The following SAMD4A variants were observed in gnomAD, a reference collection of about 807,000 sequenced individuals.
SAMD4A encodes the protein protein Smaug homolog 1.
Under a neutral mutation model 81.3 loss-of-function variants are expected in SAMD4A, and 33 were observed. That is an observed-to-expected ratio of 0.41 (90% CI 0.31 to 0.54). The LOEUF is 0.54. Ranked by LOEUF, SAMD4A falls within the 20% of genes least tolerant of loss-of-function variation. The pLI, the probability that SAMD4A is intolerant of heterozygous loss-of-function variation, is 0.37. For missense variants in SAMD4A, 854 were observed against 951.1 expected, an observed-to-expected ratio of 0.90 and a Z score of 1.34; for synonymous variants, 389 against 382.1, an observed-to-expected ratio of 1.02 and a Z score of -0.21.
intron 2 of SAMD4A, among the ~76,000 whole-genome samples, chr14:54,639,405 T>C (rs1424882914): frequency 6.6e-6 from 1 of 152,188 alleles, no homozygotes; most frequent in Non-Finnish European, 1.5e-5. Context: ...TTGTCTAAAA[T>C]GCCTTGCTCT....
intron 3 of SAMD4A, among the ~76,000 whole-genome samples, chr14:54,714,296 A>G (rs2037065140): frequency 6.6e-6 from 1 of 152,178 alleles, no homozygotes; most frequent in African/African-American, 2.4e-5. Flanking sequence ...TTTTCTTTTT[A>G]CAATTTAGCT....
intron 2 of SAMD4A, among the ~76,000 whole-genome samples, chr14:54,654,466 C>T (rs1002641639): frequency 6.6e-6 from 1 of 152,118 alleles, no homozygotes; most frequent in Admixed American, 6.5e-5. Context: ...GGGCCGGTGA[C>T]CCCACACTAG....
chr14:54,783,612 G>A (rs1216752162), intron 11 of SAMD4A, among the ~76,000 whole-genome samples: 3 of 152,262 alleles, frequency 2.0e-5, no homozygotes, highest in Non-Finnish European at 4.4e-5. Context: ...GAGGCTGAGT[G>A]TGTTGACAGT....
At chr14:54,747,917 G>C (rs1298169969) in intron 4 of SAMD4A, among the ~76,000 whole-genome samples, 1 of 152,180 alleles carries the variant, frequency 6.6e-6, no homozygotes, top group East Asian at 1.9e-4. Context: ...CAAATACTTT[G>C]TTTTGGTTTT....
At chr14:54,765,218 A>C (rs1566627559) in intron 8 of SAMD4A, among the ~76,000 whole-genome samples, 1 of 152,014 alleles carries the variant, frequency 6.6e-6, no homozygotes, top group Non-Finnish European at 1.5e-5. Context: ...CTCCTTGGGC[A>C]CCCCTCCCTC....
At chr14:54,714,067 A>G (rs992185924) in intron 3 of SAMD4A, among the ~76,000 whole-genome samples, 29 of 152,246 alleles carry the variant, frequency 1.9e-4, no homozygotes, top group African/African-American at 7.0e-4. Flanking sequence ...CTTTAAATGT[A>G]TAATTTTATC....
chr14:54,689,245 T>G (rs1566586258), intron 2 of SAMD4A, among the ~76,000 whole-genome samples: 1 of 152,036 alleles, frequency 6.6e-6, no homozygotes, highest in Admixed American at 6.6e-5. Flanking sequence ...GAGGTTGTAT[T>G]TCTAACAATT....
At chr14:54,763,732 C>T (rs1235892975) in intron 7 of SAMD4A, among the ~76,000 whole-genome samples, 2 of 152,138 alleles carry the variant, frequency 1.3e-5, no homozygotes, top group African/African-American at 4.8e-5. Flanking sequence ...GTACACATGA[C>T]TAAGAAAGTC....
At chr14:54,603,814 ATTTG>A (rs151069751) in intron 2 of SAMD4A, among the ~76,000 whole-genome samples, 11,286 of 148,690 alleles carry the variant, frequency 0.076, 502 homozygotes, top group Middle Eastern at 0.16. Flanking sequence ...TTGTTTGTTT[ATTTG>A]TTTATTTGTT....
In SAMD4A at chr14:54,690,747, C is replaced by T. The variant is rs147376310; in HGVS notation, c.197-11315C>T. Among the ~76,000 whole-genome samples the T allele has an allele frequency of 6.5e-3, 989 of 152,206 alleles. 11 individuals carry two copies. The highest frequency in any genetic ancestry group is 0.022 in the African/African-American group (918 of 41,560). ...ATAGATTAATAAATACAACCACTTC[C>T]AAAGGTGATGGTATGAAGCTAGATT... On this transcript the variant is annotated intron_variant, in intron 2 of 12. Transcript: ENST00000554335.
At chr14:54,576,667 G>A (rs114233920) in intron 2 of SAMD4A, among the ~76,000 whole-genome samples, 4 of 152,350 alleles carry the variant, frequency 2.6e-5, no homozygotes, top group African/African-American at 9.6e-5. Context: ...CATTTGCTGA[G>A]AGACTTCTGT....
chr14:54,592,087 A>G (rs903905834), intron 2 of SAMD4A, among the ~76,000 whole-genome samples: 2 of 151,728 alleles, frequency 1.3e-5, no homozygotes, highest in African/African-American at 4.8e-5. Context: ...CCCATCCGTC[A>G]GAGCCCTGTT....
At chr14:54,674,542 G>A (rs1375250515) in intron 2 of SAMD4A, among the ~76,000 whole-genome samples, 2 of 149,402 alleles carry the variant, frequency 1.3e-5, no homozygotes, top group African/African-American at 4.9e-5. Context: ...ATACTGGTGT[G>A]GTTTCTACTG....
chr14:54,628,336 C>T (rs1043261999), intron 2 of SAMD4A, among the ~76,000 whole-genome samples: 1 of 152,024 alleles, frequency 6.6e-6, no homozygotes, highest in African/African-American at 2.4e-5. Context: ...TTGGAGACTC[C>T]GCCGGCCTTC....
chr14:54,676,582 C>T (rs2035999761), intron 2 of SAMD4A, among the ~76,000 whole-genome samples: 1 of 152,018 alleles, frequency 6.6e-6, no homozygotes, highest in Non-Finnish European at 1.5e-5. Flanking sequence ...AGGGTTTCAC[C>T]ATGTTGGCAA....
At chr14:54,666,020 A>G (rs2035749670) in intron 2 of SAMD4A, among the ~76,000 whole-genome samples, 3 of 152,218 alleles carry the variant, frequency 2.0e-5, no homozygotes, top group Admixed American at 2.0e-4. Context: ...TTGTTCAGGT[A>G]AAACCTAGTA....
chr14:54,739,042 T>C (rs2037774436), intron 4 of SAMD4A, among the ~76,000 whole-genome samples: 1 of 125,530 alleles, frequency 8.0e-6, no homozygotes, highest in Admixed American at 9.2e-5. Context: ...CTTTGTTTTC[T>C]TTCTTTCCTT....
At chr14:54,608,093 AGGACAGAAGCGAAGAGAGCAAACCATTT>A (rs1447515416) in intron 2 of SAMD4A, among the ~76,000 whole-genome samples, 3 of 152,016 alleles carry the variant, frequency 2.0e-5, no homozygotes, top group Non-Finnish European at 4.4e-5. Flanking sequence ...TAGTGTCGAG[AGGACAGAAGCGAAGAGAGCAAACCATTT>A]GGACTAAGAA....
intron 3 of SAMD4A, among the ~76,000 whole-genome samples, chr14:54,726,894 T>C (rs2037428406): frequency 6.6e-6 from 1 of 152,148 alleles, no homozygotes; most frequent in Non-Finnish European, 1.5e-5. Context: ...CGTGTACAGA[T>C]AGTCTATTAC....
Sources: gnomAD v4.1 joint callset for allele counts (sites outside exome capture counted in the v4.1 genomes callset) on GRCh38, gnomAD v4.1.1 for gene constraint, MANE v1.5 for transcripts, NCBI Gene and HGNC (gene_info 2026-07-23, HGNC 2026-07-21) for gene names.